PDE10A: variants seen among roughly 807,000 people sequenced by gnomAD.
PDE10A encodes the protein phosphodiesterase 10A.
Under a neutral mutation model 97.7 loss-of-function variants are expected in PDE10A, and 39 were observed. That is an observed-to-expected ratio of 0.40 (90% CI 0.31 to 0.52). PDE10A has a LOEUF of 0.52. Ranked by LOEUF, PDE10A falls within the 20% of genes least tolerant of loss-of-function variation. The probability of loss-of-function intolerance (pLI) is 0.56; values close to 1 mark genes in which losing one functional copy is unlikely to be tolerated. For missense variants in PDE10A, 731 were observed against 1,047.8 expected, an observed-to-expected ratio of 0.70 and a Z score of 4.17; for synonymous variants, 371 against 376.8, an observed-to-expected ratio of 0.98 and a Z score of 0.18.
intron 1 of PDE10A, among the ~76,000 whole-genome samples, chr6:165,943,226 A>AAGGAAGGAAG (rs1783614663): frequency 4.0e-5 from 2 of 50,022 alleles, no homozygotes; most frequent in Non-Finnish European, 8.2e-5. Context: ...AAAGAAAGAA[A>AAGGAAGGAAG]GAAAGAAAGA....
At chr6:165,519,455 A>G (rs1782006307) in intron 2 of PDE10A, among the ~76,000 whole-genome samples, 1 of 151,470 alleles carries the variant, frequency 6.6e-6, no homozygotes, top group South Asian at 2.1e-4. Flanking sequence ...GGAGACTGAG[A>G]TGAGGAGAGG....
chr6:165,964,906 A>T (rs1784465535), intron 1 of PDE10A, among the ~76,000 whole-genome samples: 1 of 152,170 alleles, frequency 6.6e-6, no homozygotes, highest in South Asian at 2.1e-4. Context: ...TTGTTAAAGG[A>T]GGAGGAGAAG....
At chr6:165,958,568 AGACAGAAAGAAAGAC>A (rs1562327351) in intron 1 of PDE10A, among the ~76,000 whole-genome samples, 1,410 of 9,834 alleles carry the variant, frequency 0.14, 265 homozygotes, top group East Asian at 0.35. Flanking sequence ...AAAGAAAGAC[AGACAGAAAGAAAGAC>A]AGAAAGAGAG....
At chr6:165,375,151 A>T (rs1180632432) in intron 18 of PDE10A, among the ~76,000 whole-genome samples, 1 of 152,212 alleles carries the variant, frequency 6.6e-6, no homozygotes, top group African/African-American at 2.4e-5. Flanking sequence ...TAACTGTTCA[A>T]GTGAAAAAAA....
At chr6:165,475,112 G>A (rs533943579) in intron 3 of PDE10A, among the ~76,000 whole-genome samples, 1 of 152,216 alleles carries the variant, frequency 6.6e-6, no homozygotes, top group East Asian at 1.9e-4. Flanking sequence ...TCACTAGCAT[G>A]TGCAAACCCC....
At chr6:165,432,028 ACTT>A (rs1280033403) in intron 7 of PDE10A, among the ~76,000 whole-genome samples, 2 of 152,298 alleles carry the variant, frequency 1.3e-5, no homozygotes, top group Admixed American at 6.5e-5. Flanking sequence ...TAGCTTTTCT[ACTT>A]CTTTTATTAT....
At chr6:165,448,574 G>A (rs186075723) in intron 5 of PDE10A, among the ~76,000 whole-genome samples, 7 of 152,228 alleles carry the variant, frequency 4.6e-5, no homozygotes, top group African/African-American at 1.4e-4. Flanking sequence ...TAATTCTACT[G>A]TAGATCATGT....
intron 9 of PDE10A, 40 bp downstream of exon 9, chr6:165,430,247 T>A: frequency 7.0e-7 from 1 of 1,430,126 alleles, no homozygotes; most frequent in East Asian, 2.3e-5. Flanking sequence ...TTTAAACCAT[T>A]GATTAATAAG....
chr6:165,967,519 T>A (rs1029038541), intron 1 of PDE10A, among the ~76,000 whole-genome samples: 2 of 152,220 alleles, frequency 1.3e-5, no homozygotes, highest in African/African-American at 4.8e-5. Flanking sequence ...TTTGTTTAAC[T>A]GTCAGAAATT....
intron 1 of PDE10A, among the ~76,000 whole-genome samples, chr6:165,783,277 T>C (rs1778393993): frequency 6.6e-6 from 1 of 152,236 alleles, no homozygotes; most frequent in African/African-American, 2.4e-5. Flanking sequence ...GAATGACGAT[T>C]ACAGTCATCA....
At chr6:165,691,805 G>A (rs1047595903) in intron 1 of PDE10A, among the ~76,000 whole-genome samples, 2 of 152,188 alleles carry the variant, frequency 1.3e-5, no homozygotes, top group South Asian at 4.1e-4. Flanking sequence ...GCCTGGCTGC[G>A]TGTCCTGTGT....
intron 13 of PDE10A, among the ~76,000 whole-genome samples, chr6:165,399,559 T>C (rs1354664710): frequency 6.6e-6 from 1 of 151,976 alleles, no homozygotes; most frequent in Non-Finnish European, 1.5e-5. Flanking sequence ...ATTAGGTATA[T>C]CTCCTAATGC....
intron 1 of PDE10A, among the ~76,000 whole-genome samples, chr6:165,856,839 T>C (rs1780750791): frequency 6.6e-6 from 1 of 152,216 alleles, no homozygotes. Context: ...AAGTAGTACC[T>C]GTCCAAGAAC....
At chr6:165,825,786 A>G (rs112938150) in intron 1 of PDE10A, among the ~76,000 whole-genome samples, 4 of 152,248 alleles carry the variant, frequency 2.6e-5, no homozygotes, top group African/African-American at 9.6e-5. Flanking sequence ...GCCTCTGCCC[A>G]CGGCCTATGT....
chr6:165,784,915 C>G (rs1778453559), intron 1 of PDE10A, among the ~76,000 whole-genome samples: 1 of 152,166 alleles, frequency 6.6e-6, no homozygotes, highest in Non-Finnish European at 1.5e-5. Flanking sequence ...GAGAGAGCTC[C>G]TGGGGAACTG....
At chr6:165,966,529 A>C (rs75346770) in intron 1 of PDE10A, among the ~76,000 whole-genome samples, 2,568 of 152,310 alleles carry the variant, frequency 0.017, 82 homozygotes, top group African/African-American at 0.058. Flanking sequence ...TGCTTAAAAA[A>C]CAACTGGGTG....
At chr6:165,455,142 TTTATTA>T (rs201182338) in intron 3 of PDE10A, among the ~76,000 whole-genome samples, 1 of 152,066 alleles carries the variant, frequency 6.6e-6, no homozygotes, top group African/African-American at 2.4e-5. Context: ...ACATTAATTC[TTTATTA>T]TTATTATTAT....
At position 165,432,973 on chromosome 6, in the gene PDE10A, C is replaced by A; in HGVS notation, c.1491+1G>T. 6.2e-7 allele frequency: 1 copy of A among 1,612,978 alleles called. No individual in the cohort carries two copies. ...TAACATGCAGCATTTAAAGGCCTTA[C>A]CTCCTGGTGACTAAGACAGAAGGCT... On this transcript the variant is annotated splice_donor_variant, in intron 7 of 21. Coordinates refer to ENST00000539869, the MANE Select transcript of PDE10A (RefSeq NM_001385079.1). LOFTEE classifies it high-confidence loss of function.
intron 2 of PDE10A, among the ~76,000 whole-genome samples, chr6:165,495,018 G>T (rs935795826): frequency 6.6e-6 from 1 of 152,012 alleles, no homozygotes; most frequent in Admixed American, 6.6e-5. Flanking sequence ...ATATATATCC[G>T]TATCTTAGGA....
Sources: allele counts gnomAD v4.1 joint callset (sites outside exome capture counted in the v4.1 genomes callset), GRCh38; gene constraint gnomAD v4.1.1; transcripts MANE v1.5; gene names NCBI Gene and HGNC (gene_info 2026-07-23, HGNC 2026-07-21).